Variants in FHL2 observed in about 807,000 individuals in gnomAD.
FHL2 encodes four and a half LIM domains protein 2.
In FHL2, 20 loss-of-function variants were observed where a neutral mutation model predicts 32.7. That is an observed-to-expected ratio of 0.61 (90% CI 0.43 to 0.89). The LOEUF is 0.89. Among genes scored for constraint, FHL2 ranks in the 40% least tolerant of loss-of-function variants. The pLI, the probability that FHL2 is intolerant of heterozygous loss-of-function variation, is 0.00. For missense variants in FHL2, 311 were observed against 358.6 expected, an observed-to-expected ratio of 0.87 and a Z score of 1.07; for synonymous variants, 123 against 128.1, an observed-to-expected ratio of 0.96 and a Z score of 0.27.
At chr2:105,415,597 G>C (rs1206802371) in intron 1 of FHL2, among the ~76,000 whole-genome samples, 1 of 152,112 alleles carries the variant, frequency 6.6e-6, no homozygotes, top group Admixed American at 6.5e-5. Context: ...CTTCACAATG[G>C]GCAGGGAAAT....
intron 2 of FHL2, 84 bp from the exon 3 acceptor site, chr2:105,386,624 T>C (rs1038178380): frequency 1.1e-5 from 13 of 1,222,792 alleles, no homozygotes; most frequent in Middle Eastern, 1.9e-4. Context: ...TCCCACTGTC[T>C]GTCATCTTTA....
chr2:105,438,463 C>T lies in FHL2; in HGVS notation c.-89G>A, dbSNP rs73948414. 1.3e-4 allele frequency: 124 copies of T among 985,590 alleles called. No individual in the cohort carries two copies. In the South Asian group the frequency reaches 4.6e-3, roughly 37 times the overall value. 61.1% of individuals were successfully genotyped at this position (985,590 alleles called of 1,614,324 possible). On this transcript the variant is annotated 5_prime_UTR_variant, in exon 1 of 6. Transcript: ENST00000393352. ...TGAGCAGGGACAGCTGCTGTGCAGGCGGACTGCCTGGTTGGATGGCCCCAA... is the reference window on the plus strand; with the variant it reads ...TGAGCAGGGACAGCTGCTGTGCAGGTGGACTGCCTGGTTGGATGGCCCCAA...
intron 3 of FHL2, among the ~76,000 whole-genome samples, chr2:105,382,174 C>A (rs902044054): frequency 6.6e-6 from 1 of 152,198 alleles, no homozygotes; most frequent in Non-Finnish European, 1.5e-5. Context: ...CTATTAGCTA[C>A]AAAAGCTGGA....
chr2:105,434,264 C>G (rs550402235), intron 1 of FHL2, among the ~76,000 whole-genome samples: 1 of 152,198 alleles, frequency 6.6e-6, no homozygotes, highest in Non-Finnish European at 1.5e-5. Flanking sequence ...CCAACTGGAT[C>G]GGAAAGTACT....
chr2:105,396,517 C>T (rs906761382), intron 2 of FHL2, 130 bp downstream of exon 2: 7 of 764,836 alleles, frequency 9.2e-6, no homozygotes, highest in African/African-American at 8.6e-5. Flanking sequence ...CTCCCAGACA[C>T]ACCCAGAACA....
At chr2:105,423,609 T>C (rs1684171427) in intron 1 of FHL2, among the ~76,000 whole-genome samples, 1 of 152,230 alleles carries the variant, frequency 6.6e-6, no homozygotes, top group South Asian at 2.1e-4. Flanking sequence ...TCCATCACAC[T>C]ACCTGACTTC....
At chr2:105,396,804 C>A in intron 1 of FHL2, 107 bp from the exon 2 acceptor site, 1 of 972,094 alleles carries the variant, frequency 1.0e-6, no homozygotes. Flanking sequence ...TGATCAAATT[C>A]TCATAATAAA....
intron 3 of FHL2, among the ~76,000 whole-genome samples, chr2:105,377,163 T>C (rs139218244): frequency 6.6e-6 from 1 of 152,204 alleles, no homozygotes; most frequent in Admixed American, 6.5e-5. Flanking sequence ...ACTAATGGAA[T>C]ACTAGGCGTA....
At position 105,396,699 on chromosome 2, in the gene FHL2, T is replaced by C. The variant is rs1683152669; in HGVS notation, c.-75-2A>G. The stretch of plus-strand genomic sequence containing the variant: ...CCAGGAAGACACAGTTCTCAGCCAC[T>C]AGAGAAAGCACACGTGTTTTGTTTC... On this transcript the variant is annotated splice_acceptor_variant, in intron 1 of 6. Coordinates refer to ENST00000530340, the MANE Select transcript of FHL2 (RefSeq NM_001318895.3). LOFTEE classifies it low-confidence loss of function (5UTR_SPLICE). The C allele has an allele frequency of 6.2e-7, 1 of 1,612,680 alleles. No individual in the cohort carries two copies. Among genetic ancestry groups the C allele is most frequent in the Non-Finnish European group, 8.5e-7 (1 of 1,179,786 alleles).
chr2:105,371,244 G>GT (rs991150695), intron 4 of FHL2, among the ~76,000 whole-genome samples: 16 of 152,134 alleles, frequency 1.1e-4, no homozygotes, highest in African/African-American at 3.9e-4. Context: ...TTTTTTAGAT[G>GT]TGACTAACAT....
intron 1 of FHL2, among the ~76,000 whole-genome samples, chr2:105,420,638 C>A (rs1208933483): frequency 1.3e-5 from 2 of 152,082 alleles, no homozygotes; most frequent in Non-Finnish European, 2.9e-5. Context: ...TATCCCTAAC[C>A]TTTTTGGCAC....
At chr2:105,395,045 G>A (rs189963476) in intron 2 of FHL2, among the ~76,000 whole-genome samples, 59 of 152,310 alleles carry the variant, frequency 3.9e-4, no homozygotes, top group Admixed American at 3.7e-3. Context: ...GAACCCAGCC[G>A]ACAAGAATGT....
At chr2:105,396,353 A>AG (rs1683128960) in intron 2 of FHL2, among the ~76,000 whole-genome samples, 1 of 152,226 alleles carries the variant, frequency 6.6e-6, no homozygotes, top group Admixed American at 6.5e-5. Flanking sequence ...CCAATGTCCC[A>AG]GCTCAAGCAG....
chr2:105,365,332 G>A (rs1039905789), intron 5 of FHL2, among the ~76,000 whole-genome samples: 1 of 152,206 alleles, frequency 6.6e-6, no homozygotes, highest in African/African-American at 2.4e-5. Flanking sequence ...CAGTGCCTGA[G>A]AGGGCCAAGT....
chr2:105,417,975 T>A (rs978525913), intron 1 of FHL2, among the ~76,000 whole-genome samples: 2 of 152,128 alleles, frequency 1.3e-5, no homozygotes, highest in African/African-American at 4.8e-5. Context: ...CATATCTTAA[T>A]AGTATCAAAA....
chr2:105,433,182 C>CTTTTTT (rs758782839), intron 1 of FHL2, among the ~76,000 whole-genome samples: 1 of 102,634 alleles, frequency 9.7e-6, no homozygotes. Flanking sequence ...TCTTCTTCTT[C>CTTTTTT]TTTTTTTTTT....
intron 3 of FHL2, among the ~76,000 whole-genome samples, chr2:105,381,373 A>G (rs1442581485): frequency 1.3e-5 from 2 of 152,132 alleles, no homozygotes. Flanking sequence ...TTACCCCGAC[A>G]GTCCCGTGAG....
At chr2:105,386,213 TCC>T (rs1251362459) in intron 3 of FHL2, 146 bp downstream of exon 3, 3 of 791,682 alleles carry the variant, frequency 3.8e-6, no homozygotes, top group Admixed American at 2.8e-5. Context: ...GGAAGAAGCT[TCC>T]GAAAGGCTAC....
intron 1 of FHL2, among the ~76,000 whole-genome samples, chr2:105,425,116 T>C (rs1334790277): frequency 1.3e-5 from 2 of 152,190 alleles, no homozygotes; most frequent in Non-Finnish European, 2.9e-5. Flanking sequence ...GACCTGTACT[T>C]TAAACAATTG....
Sources: allele counts gnomAD v4.1 joint callset (sites outside exome capture counted in the v4.1 genomes callset), GRCh38; gene constraint gnomAD v4.1.1; transcripts MANE v1.5; gene names NCBI Gene and HGNC (gene_info 2026-07-23, HGNC 2026-07-21).